PRKAR1B: variants seen among roughly 807,000 people sequenced by gnomAD.
PRKAR1B encodes protein kinase cAMP-dependent type I regulatory subunit beta.
Under a neutral mutation model 46.5 loss-of-function variants are expected in PRKAR1B, and 22 were observed. That is an observed-to-expected ratio of 0.47 (90% CI 0.34 to 0.68). PRKAR1B has a LOEUF of 0.68. Ranked by LOEUF, PRKAR1B falls within the 30% of genes least tolerant of loss-of-function variation. The pLI, the probability that PRKAR1B is intolerant of heterozygous loss-of-function variation, is 0.01. For synonymous variants in PRKAR1B, 259 were observed against 217.7 expected, an observed-to-expected ratio of 1.19 and a Z score of -1.67; for missense variants, 445 against 535.6, an observed-to-expected ratio of 0.83 and a Z score of 1.67.
chr7:636,337 CGG>C (rs1266573986), intron 4 of PRKAR1B, among the ~76,000 whole-genome samples: 1 of 13,412 alleles, frequency 7.5e-5, no homozygotes, highest in East Asian at 1.5e-3. Context: ...CGTCCTCCAC[CGG>C]CCGCGCCCAC....
At chr7:651,438 G>A (rs896134440) in intron 4 of PRKAR1B, among the ~76,000 whole-genome samples, 1 of 152,200 alleles carries the variant, frequency 6.6e-6, no homozygotes, top group South Asian at 2.1e-4. Context: ...GACTCCCAGG[G>A]CCCTGTGTTA....
chr7:670,473 C>T (rs967541424), intron 4 of PRKAR1B, among the ~76,000 whole-genome samples: 8 of 152,214 alleles, frequency 5.3e-5, no homozygotes, highest in African/African-American at 1.9e-4. Context: ...CCTCTGAGCT[C>T]CCCCATGCCA....
At chr7:575,490 TC>T (rs1779767392) in intron 9 of PRKAR1B, among the ~76,000 whole-genome samples, 1 of 152,152 alleles carries the variant, frequency 6.6e-6, no homozygotes, top group South Asian at 2.1e-4. Flanking sequence ...GGGGTTAGAC[TC>T]CCCTTTTCCA....
At chr7:687,265 A>G (rs896140094) in intron 2 of PRKAR1B, among the ~76,000 whole-genome samples, 12 of 152,274 alleles carry the variant, frequency 7.9e-5, no homozygotes, top group African/African-American at 2.9e-4. Context: ...AGATCCCCTC[A>G]GGGGATGCAG....
At chr7:697,721 A>G (rs1294259464) in intron 2 of PRKAR1B, among the ~76,000 whole-genome samples, 1 of 151,792 alleles carries the variant, frequency 6.6e-6, no homozygotes, top group Non-Finnish European at 1.5e-5. Flanking sequence ...GAGGCGGGGA[A>G]ACTGAGGCCC....
chr7:706,497 C>T (rs1780335385), intron 2 of PRKAR1B, among the ~76,000 whole-genome samples: 1 of 141,158 alleles, frequency 7.1e-6, no homozygotes, highest in Non-Finnish European at 1.5e-5. Flanking sequence ...GATCTGGGCT[C>T]ACTGCAACCT....
chr7:566,648 A>C, intron 9 of PRKAR1B, among the ~76,000 whole-genome samples: 1 of 12,492 alleles, frequency 8.0e-5, no homozygotes, highest in Non-Finnish European at 1.9e-4. Context: ...CAGCACCTTG[A>C]TCACCATCAT....
At chr7:642,534 G>A (rs912352433) in intron 4 of PRKAR1B, among the ~76,000 whole-genome samples, 4 of 151,942 alleles carry the variant, frequency 2.6e-5, no homozygotes, top group Non-Finnish European at 4.4e-5. Flanking sequence ...GACCATCCCG[G>A]CTAAAACGGT....
At chr7:678,673 T>C (rs1304723671) in intron 3 of PRKAR1B, among the ~76,000 whole-genome samples, 1 of 152,280 alleles carries the variant, frequency 6.6e-6, no homozygotes, top group Non-Finnish European at 1.5e-5. Flanking sequence ...CAGGTGCAAC[T>C]GCGGACCACG....
intron 9 of PRKAR1B, among the ~76,000 whole-genome samples, chr7:564,848 G>A (rs1319355104): frequency 3.3e-5 from 5 of 152,218 alleles, no homozygotes; most frequent in Admixed American, 3.3e-4. Context: ...AGTGTTGCAG[G>A]CGGATGCCCC....
chr7:613,222 G>GT (rs1225026815), intron 4 of PRKAR1B, among the ~76,000 whole-genome samples: 3 of 147,862 alleles, frequency 2.0e-5, no homozygotes. Context: ...ATTTTCATGT[G>GT]TTTTTTTCTT....
At chr7:695,421 C>T (rs530527878) in intron 2 of PRKAR1B, among the ~76,000 whole-genome samples, 2 of 152,082 alleles carry the variant, frequency 1.3e-5, no homozygotes, top group South Asian at 2.1e-4. Context: ...TAAGAGAGAG[C>T]CCCGTGCCGG....
chr7:576,146 C>G (rs1451658030), intron 9 of PRKAR1B, among the ~76,000 whole-genome samples: 6 of 150,046 alleles, frequency 4.0e-5, no homozygotes, highest in Admixed American at 1.3e-4. Context: ...CGCTGGCATC[C>G]TCTCCTCTGC....
At chr7:672,099 G>C (rs2128502305) in intron 4 of PRKAR1B, among the ~76,000 whole-genome samples, 1 of 152,220 alleles carries the variant, frequency 6.6e-6, no homozygotes, top group Middle Eastern at 3.4e-3. Flanking sequence ...CACGGAGCCT[G>C]GCACACAATG....
chr7:694,272 G>A (rs562060073), intron 2 of PRKAR1B, among the ~76,000 whole-genome samples: 3 of 151,908 alleles, frequency 2.0e-5, no homozygotes, highest in East Asian at 1.9e-4. Context: ...GCGAGAGAGC[G>A]AGACTCCATC....
chr7:686,568 T>A (rs769124056), intron 2 of PRKAR1B, among the ~76,000 whole-genome samples: 4 of 152,160 alleles, frequency 2.6e-5, no homozygotes, highest in Non-Finnish European at 5.9e-5. Flanking sequence ...TTGACATGGT[T>A]GTTCTTGCAG....
At chr7:624,049 G>A (rs772675546) in intron 4 of PRKAR1B, among the ~76,000 whole-genome samples, 2 of 152,168 alleles carry the variant, frequency 1.3e-5, no homozygotes, top group Admixed American at 6.5e-5. Flanking sequence ...AGATACCCAC[G>A]CCAGCCCTGA....
chr7:560,829 C>T lies in PRKAR1B; in HGVS notation c.892-9359G>A, dbSNP rs575664660. Among the ~76,000 whole-genome samples the T allele has an allele frequency of 2.0e-5, 3 of 152,174 alleles. No individual in the cohort carries two copies. Among genetic ancestry groups the T allele is most frequent in the Non-Finnish European group, 4.4e-5 (3 of 68,026 alleles). ...CATGAGGGCGGCGGCCATGAGTGAA[C>T]GTAAGAGTGGACAGACACCAAATGC... On this transcript the variant is annotated intron_variant, in intron 9 of 10. Coordinates refer to ENST00000537384, the MANE Select transcript of PRKAR1B (RefSeq NM_001164760.2). This position sits in a 1 kb window ranked among gnomAD's most constrained non-coding sequence, Gnocchi z 4.2.
chr7:636,372 A>C (rs76815819), intron 4 of PRKAR1B, among the ~76,000 whole-genome samples: 1 of 29,516 alleles, frequency 3.4e-5, no homozygotes, highest in African/African-American at 1.7e-4. Context: ...GGCCGCGCCC[A>C]CACGTCCTCC....
Sources: allele counts gnomAD v4.1 joint callset (sites outside exome capture counted in the v4.1 genomes callset), GRCh38; gene constraint gnomAD v4.1.1; non-coding constraint Gnocchi (gnomAD v3.1); transcripts MANE v1.5; gene names NCBI Gene and HGNC (gene_info 2026-07-23, HGNC 2026-07-21).